Variants in CHAF1B observed in about 807,000 individuals in gnomAD.
The protein encoded by CHAF1B is chromatin assembly factor 1 subunit B.
A neutral mutation model predicts 60.7 loss-of-function variants in CHAF1B; 10 were observed. The observed-to-expected ratio is 0.16, with a 90% CI of 0.10 to 0.28. The LOEUF (loss-of-function observed/expected upper bound fraction) is 0.28. CHAF1B is among the 10% of genes least tolerant of loss of function. The probability of loss-of-function intolerance (pLI) is 1.00; values close to 1 mark genes in which losing one functional copy is unlikely to be tolerated. For synonymous variants in CHAF1B, 261 were observed against 266.1 expected (o/e 0.98, Z 0.19); for missense variants, 558 against 708.4 (o/e 0.79, Z 2.41).
At chr21:36,396,365 A>AC (rs1203821787) in intron 5 of CHAF1B, among the ~76,000 whole-genome samples, 1 of 147,106 alleles carries the variant, frequency 6.8e-6, no homozygotes, top group Admixed American at 6.7e-5. Flanking sequence ...CCTCAAAAAA[A>AC]AAAAAAAAAA....
At chr21:36,408,864 AT>A (rs770469336) in intron 9 of CHAF1B, 34 bp downstream of exon 9, 204 of 1,494,574 alleles carry the variant, frequency 1.4e-4, no homozygotes, top group Middle Eastern at 3.4e-4. Context: ...AAATGTTTAC[AT>A]TTTTTTTAGA....
chr21:36,405,729 G>T (rs1707874727), intron 8 of CHAF1B, among the ~76,000 whole-genome samples: 1 of 151,988 alleles, frequency 6.6e-6, no homozygotes, highest in Non-Finnish European at 1.5e-5. Context: ...CCACACCCAG[G>T]CAGAAGTAAA....
intron 7 of CHAF1B, among the ~76,000 whole-genome samples, chr21:36,400,148 C>G (rs2086175173): frequency 6.6e-6 from 1 of 151,926 alleles, no homozygotes; most frequent in African/African-American, 2.4e-5. Flanking sequence ...CCACTGCACT[C>G]TAGCCTGGGC....
At chr21:36,385,965 C>T (rs928012166) in intron 1 of CHAF1B, 95 bp from the exon 2 acceptor site, 2 of 674,030 alleles carry the variant, frequency 3.0e-6, no homozygotes, top group Non-Finnish European at 5.0e-6. Flanking sequence ...AACATCCTTT[C>T]CCAATGCAGT....
At chr21:36,401,224 G>A (rs1035078366) in intron 7 of CHAF1B, among the ~76,000 whole-genome samples, 7 of 150,538 alleles carry the variant, frequency 4.6e-5, no homozygotes, top group Non-Finnish European at 8.9e-5. Flanking sequence ...CCGAGATTGC[G>A]CCATTGCACT....
At chr21:36,412,515 A>G (rs962149660) in intron 11 of CHAF1B, among the ~76,000 whole-genome samples, 3 of 151,904 alleles carry the variant, frequency 2.0e-5, no homozygotes, top group Admixed American at 1.3e-4. Context: ...GCCCACCACC[A>G]TGGCTGGCTA....
chr21:36,412,762 T>G, intron 11 of CHAF1B, 122 bp from the exon 12 acceptor site: 1 of 861,146 alleles, frequency 1.2e-6, no homozygotes, highest in Non-Finnish European at 1.8e-6. Context: ...TCTTTTCCAG[T>G]TGTATCTTTT....
intron 3 of CHAF1B, among the ~76,000 whole-genome samples, chr21:36,389,927 G>A (rs1337894910): frequency 6.6e-6 from 1 of 152,132 alleles, no homozygotes. Context: ...TGGTCTTGGA[G>A]GCCCAGAAAC....
intron 3 of CHAF1B, among the ~76,000 whole-genome samples, chr21:36,389,929 C>G (rs1054940004): frequency 2.0e-5 from 3 of 152,108 alleles, no homozygotes; most frequent in African/African-American, 7.2e-5. Flanking sequence ...GTCTTGGAGG[C>G]CCAGAAACCT....
At chr21:36,392,057 G>A (rs2086094484) in intron 4 of CHAF1B, among the ~76,000 whole-genome samples, 1 of 151,610 alleles carries the variant, frequency 6.6e-6, no homozygotes, top group African/African-American at 2.4e-5. Flanking sequence ...GTTTTCCTAG[G>A]CAGAGGACCC....
Position 36,386,051 on chromosome 21 carries a change from C to A in CHAF1B, c.-77-9C>A, listed in dbSNP as rs1176525662. 5 of 1,531,032 alleles carry A rather than the reference C, an allele frequency of 3.3e-6. No individual in the cohort carries two copies. The highest frequency in any genetic ancestry group is 4.5e-6 in the Non-Finnish European group (5 of 1,115,362). 94.8% of individuals were successfully genotyped at this position (1,531,032 alleles called of 1,614,324 possible). A position where few individuals can be genotyped will look rare whatever the true frequency, so the allele number is the denominator to read the frequency against. The stretch of plus-strand genomic sequence containing the variant: ...CTGCTGTTAACACTGTTGTTTAATC[C>A]ATCACCAGCATTTTGCAGCTTTCTC... On this transcript the variant is annotated splice_polypyrimidine_tract_variant and intron_variant, in intron 1 of 13. Coordinates refer to ENST00000314103, the MANE Select transcript of CHAF1B (RefSeq NM_005441.3).
intron 3 of CHAF1B, among the ~76,000 whole-genome samples, chr21:36,388,154 C>T (rs557484889): frequency 6.6e-6 from 1 of 152,072 alleles, no homozygotes; most frequent in East Asian, 1.9e-4. Context: ...GTGTGGCTGA[C>T]CCTCTCAATC....
At chr21:36,412,489 A>G (rs1305742342) in intron 11 of CHAF1B, among the ~76,000 whole-genome samples, 2 of 151,796 alleles carry the variant, frequency 1.3e-5, no homozygotes, top group Non-Finnish European at 2.9e-5. Context: ...CCTCCCGAAT[A>G]GCTGGGATTA....
At chr21:36,397,025 C>T (rs1333875774) in intron 5 of CHAF1B, among the ~76,000 whole-genome samples, 2 of 152,210 alleles carry the variant, frequency 1.3e-5, no homozygotes, top group African/African-American at 2.4e-5. Context: ...ATATTCACTT[C>T]GCTAAGCTGT....
chr21:36,391,013 G>A lies in CHAF1B; in HGVS notation c.260-538G>A, dbSNP rs945077322. ...ACATCAAGATGCTAAGTGACTTGCTGAAGGTTTCTGAGCTAGGAACATTTG... is the reference window on the plus strand; with the variant it reads ...ACATCAAGATGCTAAGTGACTTGCTAAAGGTTTCTGAGCTAGGAACATTTG... On this transcript the variant is annotated intron_variant, in intron 3 of 13. Transcript: ENST00000314103. Among the ~76,000 whole-genome samples, 60 of 152,222 alleles carry A rather than the reference G, an allele frequency of 3.9e-4. 2 individuals are homozygous for A. The highest frequency in any genetic ancestry group is 1.3e-4 in the Non-Finnish European group (9 of 68,028).
chr21:36,408,852 T>G, intron 9 of CHAF1B, 22 bp downstream of exon 9: 1 of 1,544,938 alleles, frequency 6.5e-7, no homozygotes, highest in African/African-American at 1.4e-5. Flanking sequence ...AGGAAATGTT[T>G]GAAATGTTTA....
chr21:36,387,530 G>C (rs2086044560), intron 2 of CHAF1B, 68 bp from the exon 3 acceptor site: 1 of 1,588,806 alleles, frequency 6.3e-7, no homozygotes, highest in African/African-American at 1.3e-5. Flanking sequence ...CCATAGTATT[G>C]TTTTAATACA....
chr21:36,400,147 T>A (rs1037857344), intron 7 of CHAF1B, among the ~76,000 whole-genome samples: 1 of 151,162 alleles, frequency 6.6e-6, no homozygotes, highest in Admixed American at 6.6e-5. Flanking sequence ...GCCACTGCAC[T>A]CTAGCCTGGG....
At position 36,413,034 on chromosome 21, in the gene CHAF1B, G is replaced by C; in HGVS notation, c.1212G>C (p.Gln404His). ...TPDTAKKTKS[Q>H]THRGSSPGPR... ...ATACAGCAAAGAAAACCAAGAGTCA[G>C]ACACATCGAGGGTCTTCGCCAGGAC... The change falls in exon 12 of 14, where the codon CAG becomes CAC. Residue 404 changes from glutamine (Q) to histidine (H), a missense_variant. Around this residue, in one of 2 missense-constraint regions of CHAF1B, gnomAD observed 233 missense variants for 214.9 expected, o/e 1.08. Coordinates refer to ENST00000314103, the MANE Select transcript of CHAF1B (RefSeq NM_005441.3). The C allele has an allele frequency of 6.2e-7, 1 of 1,614,178 alleles. No individual in the cohort carries two copies. Among genetic ancestry groups the C allele is most frequent in the Non-Finnish European group, 8.5e-7 (1 of 1,180,032 alleles).
Sources: gnomAD v4.1 joint callset for allele counts (sites outside exome capture counted in the v4.1 genomes callset) on GRCh38, gnomAD v4.1.1 for gene constraint, gnomAD v4.1.1 regional missense constraint, MANE v1.5 for transcripts, NCBI Gene and HGNC (gene_info 2026-07-23, HGNC 2026-07-21) for gene names.